SYCP3: variants seen among roughly 807,000 people sequenced by gnomAD.
The protein encoded by SYCP3 is synaptonemal complex protein 3.
In SYCP3, 29 loss-of-function variants were observed where a neutral mutation model predicts 38.5. That is an observed-to-expected ratio of 0.75 (90% CI 0.56 to 1.03). SYCP3 has a LOEUF of 1.03. Ranked by LOEUF, SYCP3 falls within the 50% of genes least tolerant of loss-of-function variation. The pLI, the probability that SYCP3 is intolerant of heterozygous loss-of-function variation, is 0.00. For missense variants in SYCP3, 242 were observed against 270.7 expected, an observed-to-expected ratio of 0.89 and a Z score of 0.74; for synonymous variants, 79 against 80.3, an observed-to-expected ratio of 0.98 and a Z score of 0.08.
chr12:101,731,873 A>G (rs774261043), intron 6 of SYCP3: 3 of 404,192 alleles, frequency 7.4e-6, no homozygotes, highest in African/African-American at 2.1e-5. Flanking sequence ...CTGAATGGGA[A>G]ATTTTAACAA....
chr12:101,737,343 A>G (rs776996138), intron 2 of SYCP3, 45 bp from the exon 3 acceptor site: 1 of 1,519,926 alleles, frequency 6.6e-7, no homozygotes, highest in Non-Finnish European at 8.9e-7. Flanking sequence ...TTTGAAACTG[A>G]ATAGGTTATT....
At chr12:101,737,738 A>T in intron 2 of SYCP3, 65 bp downstream of exon 2, 2 of 1,607,362 alleles carry the variant, frequency 1.2e-6, no homozygotes, top group Admixed American at 3.3e-5. Context: ...GTTGTACGAT[A>T]GTCTCAATGG....
intron 4 of SYCP3, among the ~76,000 whole-genome samples, chr12:101,736,062 A>C (rs1952430567): frequency 6.6e-6 from 1 of 151,294 alleles, no homozygotes; most frequent in Admixed American, 6.6e-5. Flanking sequence ...GGACAGAAAA[A>C]AATCTTAGTT....
chr12:101,738,162 G>A (rs934347723), intron 1 of SYCP3, among the ~76,000 whole-genome samples: 1 of 152,058 alleles, frequency 6.6e-6, no homozygotes, highest in African/African-American at 2.4e-5. Context: ...GGTAGCTCAC[G>A]CCTGAAATCC....
intron 7 of SYCP3, among the ~76,000 whole-genome samples, chr12:101,729,814 C>T (rs1952104617): frequency 6.6e-6 from 1 of 152,100 alleles, no homozygotes; most frequent in Admixed American, 6.5e-5. Context: ...GGAAGCACAA[C>T]TTGCTGTGGT....
At chr12:101,738,981 C>T (rs1194080963) in intron 1 of SYCP3, among the ~76,000 whole-genome samples, 1 of 152,208 alleles carries the variant, frequency 6.6e-6, no homozygotes, top group African/African-American at 2.4e-5. Context: ...AAAAACGTCC[C>T]GCAATTTAGG....
chr12:101,736,980 A>G, intron 4 of SYCP3, 57 bp downstream of exon 4: 1 of 1,535,118 alleles, frequency 6.5e-7, no homozygotes, highest in Non-Finnish European at 9.0e-7. Flanking sequence ...TTGTTATTAT[A>G]CAAATTATAT....
chr12:101,730,665 G>A (rs1454596886), intron 7 of SYCP3: 1 of 282,122 alleles, frequency 3.5e-6, no homozygotes, highest in African/African-American at 2.3e-5. Flanking sequence ...AGCTATTTTT[G>A]TTTGTTTGTT....
At chr12:101,736,934 G>A (rs1190742501) in intron 4 of SYCP3, 103 bp downstream of exon 4, 6 of 1,033,418 alleles carry the variant, frequency 5.8e-6, no homozygotes, top group South Asian at 1.4e-5. Context: ...TGAGAACAAG[G>A]CATTAAATAA....
rs748814275 is a variant in SYCP3, at chr12:101,733,683, C to T, written c.354-9G>A. 6.2e-7 allele frequency: 1 copy of T among 1,606,398 alleles called. No homozygotes were observed. Among genetic ancestry groups the T allele is most frequent in the East Asian group, 2.2e-5 (1 of 44,822 alleles). On this transcript the variant is annotated splice_polypyrimidine_tract_variant and intron_variant, in intron 5 of 8. Coordinates refer to ENST00000392924, the MANE Select transcript of SYCP3 (RefSeq NM_001177949.2). ...CTTGGTTAAGCTTCTGCCTGTAAAACATAATGATGAATTATTGTCATATTT... is the reference window on the plus strand; with the variant it reads ...CTTGGTTAAGCTTCTGCCTGTAAAATATAATGATGAATTATTGTCATATTT...
At chr12:101,736,496 T>C (rs1952450674) in intron 4 of SYCP3, among the ~76,000 whole-genome samples, 1 of 152,154 alleles carries the variant, frequency 6.6e-6, no homozygotes, top group African/African-American at 2.4e-5. Context: ...ACTTAATATA[T>C]TATTTAAAAC....
At chr12:101,731,015 T>A (rs1277993265) in intron 7 of SYCP3, among the ~76,000 whole-genome samples, 1 of 152,204 alleles carries the variant, frequency 6.6e-6, no homozygotes. Context: ...TGCTAATATG[T>A]ATGTGTCAGT....
intron 1 of SYCP3, 40 bp from the exon 2 acceptor site, chr12:101,737,992 ACAT>A: frequency 6.2e-7 from 1 of 1,607,632 alleles, no homozygotes; most frequent in Non-Finnish European, 8.5e-7. Context: ...GAATGCAAAG[ACAT>A]CATTTTAATA....
At chr12:101,734,792 C>T in intron 5 of SYCP3, 135 bp downstream of exon 5, 2 of 632,776 alleles carry the variant, frequency 3.2e-6, no homozygotes, top group South Asian at 1.6e-5. Context: ...AAGTGATCTG[C>T]CTGCCTTGGC....
chr12:101,736,856 T>A (rs1414651146), intron 4 of SYCP3, among the ~76,000 whole-genome samples, 181 bp downstream of exon 4: 1 of 152,034 alleles, frequency 6.6e-6, no homozygotes, highest in Admixed American at 6.6e-5. Flanking sequence ...ACTCTTAACA[T>A]CATGGAAAAG....
intron 4 of SYCP3, 105 bp from the exon 5 acceptor site, chr12:101,735,149 GAC>G (rs1175014992): frequency 1.4e-6 from 1 of 702,042 alleles, no homozygotes. Context: ...ATATTGGAAA[GAC>G]ATTTAAACTT....
intron 6 of SYCP3, 152 bp downstream of exon 6, chr12:101,733,423 A>G (rs776465394): frequency 1.5e-6 from 1 of 669,804 alleles, no homozygotes; most frequent in Non-Finnish European, 2.6e-6. Flanking sequence ...GTATGTGCCT[A>G]TACGTCTGTG....
chr12:101,732,606 A>G (rs572102613), intron 6 of SYCP3: 1 of 152,070 alleles, frequency 6.6e-6, no homozygotes, highest in South Asian at 2.1e-4. Context: ...TACCTAACAC[A>G]ATGTAAATGC....
chr12:101,729,363 C>T (rs970784098), intron 7 of SYCP3, 150 bp from the exon 8 acceptor site: 14 of 755,706 alleles, frequency 1.9e-5, no homozygotes, highest in Non-Finnish European at 2.5e-5. Context: ...TACATGAATA[C>T]CAAAATACCT....
Sources: allele counts gnomAD v4.1 joint callset (sites outside exome capture counted in the v4.1 genomes callset), GRCh38; gene constraint gnomAD v4.1.1; transcripts MANE v1.5; gene names NCBI Gene and HGNC (gene_info 2026-07-23, HGNC 2026-07-21).